The following DIP2C variants were observed in gnomAD, a reference collection of about 807,000 sequenced individuals.
DIP2C encodes the protein disco-interacting protein 2 homolog C.
Under a neutral mutation model 192.4 loss-of-function variants are expected in DIP2C, and 33 were observed. That is an observed-to-expected ratio of 0.17 (90% CI 0.13 to 0.23). The LOEUF (loss-of-function observed/expected upper bound fraction) is 0.23, where lower values mean the gene tolerates loss of function less well. Among genes scored for constraint, DIP2C ranks in the 10% least tolerant of loss-of-function variants. DIP2C has a pLI of 1.00. For synonymous variants in DIP2C, 979 were observed against 864.1 expected (o/e 1.13, Z -2.33); for missense variants, 1,537 against 2,110.1 (o/e 0.73, Z 5.32).
At chr10:544,812 A>T (rs1026975060) in intron 1 of DIP2C, among the ~76,000 whole-genome samples, 9 of 152,228 alleles carry the variant, frequency 5.9e-5, no homozygotes, top group Admixed American at 5.2e-4. Context: ...TTTTAAAGAT[A>T]TTCTTGATAT....
At chr10:289,121 T>G (rs1004717601) in intron 32 of DIP2C, among the ~76,000 whole-genome samples, 3 of 152,220 alleles carry the variant, frequency 2.0e-5, no homozygotes, top group African/African-American at 7.2e-5. Flanking sequence ...GGGGCAATTT[T>G]TTTTATTTAA....
intron 31 of DIP2C, among the ~76,000 whole-genome samples, chr10:315,254 A>T (rs1237817185): frequency 6.6e-6 from 1 of 152,212 alleles, no homozygotes; most frequent in African/African-American, 2.4e-5. Context: ...AAAACAAACT[A>T]AAAATATTTA....
At chr10:409,944 A>C (rs1346030236) in intron 8 of DIP2C, among the ~76,000 whole-genome samples, 2 of 152,258 alleles carry the variant, frequency 1.3e-5, no homozygotes, top group African/African-American at 4.8e-5. Context: ...TCAGTAGTCA[A>C]GGTGTTAGAA....
At chr10:527,248 C>G (rs533117980) in intron 1 of DIP2C, among the ~76,000 whole-genome samples, 158 of 152,312 alleles carry the variant, frequency 1.0e-3, no homozygotes, top group African/African-American at 3.7e-3. Flanking sequence ...CTCTCCCTCA[C>G]AAAACAGCAC....
intron 3 of DIP2C, among the ~76,000 whole-genome samples, chr10:465,055 G>A (rs531542537): frequency 6.9e-6 from 1 of 145,152 alleles, no homozygotes; most frequent in Admixed American, 7.0e-5. Flanking sequence ...GCATCATTCT[G>A]ATACCAAAGC....
chr10:564,546 C>G (rs1039297756), intron 1 of DIP2C, among the ~76,000 whole-genome samples: 1 of 152,216 alleles, frequency 6.6e-6, no homozygotes, highest in Admixed American at 6.5e-5. Context: ...GGTGTCCACA[C>G]AGAAGCTGAG....
chr10:404,257 G>T (rs1210890925), intron 9 of DIP2C, among the ~76,000 whole-genome samples: 1 of 150,004 alleles, frequency 6.7e-6, no homozygotes, highest in African/African-American at 2.5e-5. Flanking sequence ...CACCCAGGCT[G>T]GAGTACAGTA....
intron 1 of DIP2C, among the ~76,000 whole-genome samples, chr10:600,639 G>A (rs1202311442): frequency 6.6e-6 from 1 of 151,724 alleles, no homozygotes; most frequent in Non-Finnish European, 1.5e-5. Flanking sequence ...TGACCCGACA[G>A]CCCTTTCCAC....
At chr10:347,499 G>A (rs376292640) in intron 26 of DIP2C, among the ~76,000 whole-genome samples, 818 of 80,412 alleles carry the variant, frequency 0.01, 192 homozygotes, top group Middle Eastern at 0.059. Context: ...CGGACACATT[G>A]CGCATAGTTC....
intron 1 of DIP2C, among the ~76,000 whole-genome samples, chr10:603,225 G>T (rs769212542): frequency 6.8e-6 from 1 of 146,626 alleles, no homozygotes; most frequent in Non-Finnish European, 1.5e-5. Context: ...TTGAGCACAG[G>T]GGGGCGGGGG....
rs545096703 is a variant in DIP2C, at chr10:445,248, A to G, written c.269-4252T>C. Among the ~76,000 whole-genome samples, 16 of 150,942 alleles carry G rather than the reference A, an allele frequency of 1.1e-4. No homozygotes were observed. The South Asian group carries it at 3.3e-3, about 31-fold the overall frequency. On this transcript the variant is annotated intron_variant, in intron 3 of 36. Transcript: ENST00000280886. ...GTATACAACTGTTGTGAAGAGTCTC[A>G]TGGCCCATGGGGCATCTGTATACAA...
intron 1 of DIP2C, among the ~76,000 whole-genome samples, chr10:596,684 T>TGAATG (rs1252930286): frequency 1.3e-5 from 2 of 152,046 alleles, no homozygotes; most frequent in Non-Finnish European, 2.9e-5. Context: ...GCACATACTG[T>TGAATG]GAATGGAATC....
chr10:344,802 C>G lies in DIP2C; in HGVS notation c.3453+7G>C, dbSNP rs771907446. 4 of 1,577,380 alleles carry G rather than the reference C, an allele frequency of 2.5e-6. No individual in the cohort carries two copies. The highest frequency in any genetic ancestry group is 3.7e-5 in the Admixed American group (2 of 53,418). On this transcript the variant is annotated splice_region_variant and intron_variant, in intron 28 of 36. Coordinates refer to ENST00000280886, the MANE Select transcript of DIP2C (RefSeq NM_014974.3). Reference sequence around the variant, plus strand: ...CCATGGCCACCGCCCGCAGCCACCCCCCTCACCTTTACGCCAGCTAGCATC... The same window carrying G: ...CCATGGCCACCGCCCGCAGCCACCCGCCTCACCTTTACGCCAGCTAGCATC...
At chr10:441,662 T>C (rs1488138026) in intron 3 of DIP2C, among the ~76,000 whole-genome samples, 1 of 152,208 alleles carries the variant, frequency 6.6e-6, no homozygotes, top group Admixed American at 6.5e-5. Flanking sequence ...AAAGTGCCTT[T>C]TGCCTCCCAC....
At chr10:478,015 AGGGGAGG>A (rs1843236056) in intron 2 of DIP2C, among the ~76,000 whole-genome samples, 1 of 16,856 alleles carries the variant, frequency 5.9e-5, no homozygotes, top group Non-Finnish European at 1.2e-4. Context: ...AAAAGAGGGG[AGGGGAGG>A]GGAGGGGAGG....
intron 1 of DIP2C, among the ~76,000 whole-genome samples, chr10:555,085 T>C (rs1054290382): frequency 2.6e-5 from 4 of 152,126 alleles, no homozygotes; most frequent in African/African-American, 4.8e-5. Flanking sequence ...TAATTCTAAT[T>C]CCAACAAAGA....
chr10:390,647 G>A, intron 11 of DIP2C, 93 bp downstream of exon 11: 1 of 1,536,978 alleles, frequency 6.5e-7, no homozygotes, highest in Non-Finnish European at 8.8e-7. Context: ...TCATTCCACA[G>A]AGGATTGAAA....
At chr10:396,511 T>C (rs1963996647) in intron 10 of DIP2C, among the ~76,000 whole-genome samples, 1 of 152,218 alleles carries the variant, frequency 6.6e-6, no homozygotes, top group Non-Finnish European at 1.5e-5. Flanking sequence ...TATTGAACCA[T>C]CACCATATGC....
chr10:650,440 A>T, intron 1 of DIP2C: 1 of 710,392 alleles, frequency 1.4e-6, no homozygotes. Context: ...ATCTTCATCT[A>T]TGGTAGGTGA....
Sources: allele counts gnomAD v4.1 joint callset (sites outside exome capture counted in the v4.1 genomes callset), GRCh38; gene constraint gnomAD v4.1.1; transcripts MANE v1.5; gene names NCBI Gene and HGNC (gene_info 2026-07-23, HGNC 2026-07-21).